Variants in EYA4 observed in about 807,000 individuals in gnomAD.
EYA4 encodes protein phosphatase EYA4.
Under a neutral mutation model 87.9 loss-of-function variants are expected in EYA4, and 31 were observed. The ratio of observed to expected loss-of-function variants is 0.35; its 90% CI spans 0.27 to 0.48. The LOEUF is 0.48. Among genes scored for constraint, EYA4 ranks in the 20% least tolerant of loss-of-function variants. The pLI is 0.99. For synonymous variants in EYA4, 263 were observed against 270.6 expected (o/e 0.97, Z 0.28); for missense variants, 678 against 761.4 (o/e 0.89, Z 1.29).
chr6:133,414,981 C>T (rs1932748), intron 3 of EYA4, among the ~76,000 whole-genome samples: 57,573 of 151,718 alleles, frequency 0.38, 11,142 homozygotes, highest in South Asian at 0.46. Context: ...TATTTTATGC[C>T]ATATTTTTTA....
chr6:133,331,893 T>C (rs938008661), intron 2 of EYA4, among the ~76,000 whole-genome samples: 2 of 152,212 alleles, frequency 1.3e-5, no homozygotes, highest in Non-Finnish European at 2.9e-5. Flanking sequence ...CAGTCACATT[T>C]TGGTATCAGC....
At position 133,415,475 on chromosome 6, in the gene EYA4, G is replaced by A. The variant is rs186090484; in HGVS notation, c.84-31155G>A. On this transcript the variant is annotated intron_variant, in intron 3 of 19. Transcript: ENST00000355286. ...TTTGCTCTGTCTGAGCCTGCCAGACGTGCCTCCTCTCACAGCCTTTACGCA... is the reference window on the plus strand; with the variant it reads ...TTTGCTCTGTCTGAGCCTGCCAGACATGCCTCCTCTCACAGCCTTTACGCA... Among the ~76,000 whole-genome samples, 11 of 152,230 alleles carry A rather than the reference G, an allele frequency of 7.2e-5. No homozygotes were observed. The East Asian group carries it at 1.2e-3, about 16-fold the overall frequency.
At chr6:133,407,405 C>T (rs1358339665) in intron 3 of EYA4, among the ~76,000 whole-genome samples, 4 of 152,046 alleles carry the variant, frequency 2.6e-5, no homozygotes, top group Non-Finnish European at 4.4e-5. Context: ...CCTACAGGTG[C>T]AAACTCTTTC....
intron 13 of EYA4, among the ~76,000 whole-genome samples, chr6:133,489,073 C>A (rs1647310613): frequency 2.6e-5 from 4 of 152,036 alleles, no homozygotes; most frequent in African/African-American, 9.7e-5. Flanking sequence ...AAGTAAAAAT[C>A]AAGCAGAAAT....
chr6:133,348,241 C>CCTCCTCA (rs1436777698), intron 2 of EYA4, among the ~76,000 whole-genome samples: 1 of 148,866 alleles, frequency 6.7e-6, no homozygotes, highest in Non-Finnish European at 1.5e-5. Context: ...TACAAATCTT[C>CCTCCTCA]CTCCTCATCT....
intron 13 of EYA4, among the ~76,000 whole-genome samples, chr6:133,501,517 G>T (rs17062637): frequency 0.018 from 2,780 of 152,128 alleles, 164 homozygotes; most frequent in East Asian, 0.13. Flanking sequence ...TATCACAATT[G>T]TAAAATTTCT....
chr6:133,486,170 A>T (rs2128718563), intron 13 of EYA4, among the ~76,000 whole-genome samples: 1 of 152,368 alleles, frequency 6.6e-6, no homozygotes, highest in South Asian at 2.1e-4. Context: ...TCCTTGTCGA[A>T]TTCCATGAAA....
chr6:133,473,663 A>G (rs1005111640), intron 11 of EYA4, among the ~76,000 whole-genome samples: 1 of 151,674 alleles, frequency 6.6e-6, no homozygotes, highest in Non-Finnish European at 1.5e-5. Flanking sequence ...TCTTCCTTTT[A>G]TATCCTCCTA....
At chr6:133,385,481 G>A (rs545108919) in intron 3 of EYA4, among the ~76,000 whole-genome samples, 373 of 150,572 alleles carry the variant, frequency 2.5e-3, no homozygotes, top group Non-Finnish European at 4.0e-3. Flanking sequence ...TTTAAAGCCC[G>A]GGGCTAGGTA....
At chr6:133,441,517 A>T (rs1054345863) in intron 3 of EYA4, among the ~76,000 whole-genome samples, 1 of 152,228 alleles carries the variant, frequency 6.6e-6, no homozygotes, top group Admixed American at 6.5e-5. Flanking sequence ...CACCTGGACA[A>T]CAGAGGGAAA....
At chr6:133,309,437 T>C (rs1175110003) in intron 2 of EYA4, among the ~76,000 whole-genome samples, 1 of 152,206 alleles carries the variant, frequency 6.6e-6, no homozygotes, top group Non-Finnish European at 1.5e-5. Context: ...TGGCTTCTTA[T>C]ATATGCTATA....
chr6:133,446,062 T>A (rs975920287), intron 3 of EYA4, among the ~76,000 whole-genome samples: 8 of 152,114 alleles, frequency 5.3e-5, no homozygotes, highest in Admixed American at 5.2e-4. Context: ...GTCAACAAGG[T>A]CAGCTGGAAG....
intron 2 of EYA4, among the ~76,000 whole-genome samples, chr6:133,322,862 A>G (rs1349974134): frequency 6.6e-6 from 1 of 152,172 alleles, no homozygotes; most frequent in Non-Finnish European, 1.5e-5. Context: ...ATGCAAACAC[A>G]TTTCAGACTT....
At chr6:133,510,374 T>C (rs1799041329) in intron 14 of EYA4, 1 of 236,550 alleles carries the variant, frequency 4.2e-6, no homozygotes, top group Non-Finnish European at 8.8e-6. Context: ...ACCATTTCAA[T>C]AGTGATTTAT....
In EYA4 at chr6:133,416,444, T is replaced by G. The variant is rs3777839; in HGVS notation, c.84-30186T>G. On this transcript the variant is annotated intron_variant, in intron 3 of 19. Transcript: ENST00000355286. ...GAAGTCAATTAATAACTGTCTATAT[T>G]GATCAAGTGTTTTGTTGATTTGTTT... Among the ~76,000 whole-genome samples the G allele has an allele frequency of 3.8e-3, 578 of 152,272 alleles. 3 individuals are homozygous for G. Among genetic ancestry groups the G allele is most frequent in the African/African-American group, 0.013 (533 of 41,532 alleles).
chr6:133,347,825 A>G (rs933414773), intron 2 of EYA4, among the ~76,000 whole-genome samples: 1 of 152,222 alleles, frequency 6.6e-6, no homozygotes, highest in Non-Finnish European at 1.5e-5. Context: ...TAGATACTGC[A>G]TGTTTCAAAC....
At chr6:133,425,653 G>A (rs1790605022) in intron 3 of EYA4, among the ~76,000 whole-genome samples, 1 of 150,582 alleles carries the variant, frequency 6.6e-6, no homozygotes, top group African/African-American at 2.5e-5. Context: ...TGGTTATTCT[G>A]CTTCCTAAAT....
intron 13 of EYA4, among the ~76,000 whole-genome samples, chr6:133,489,890 T>C (rs988808151): frequency 3.3e-5 from 5 of 152,188 alleles, no homozygotes; most frequent in African/African-American, 1.2e-4. Flanking sequence ...TTGTGGTATG[T>C]AAGCTACTCA....
At chr6:133,385,510 A>G (rs1686113772) in intron 3 of EYA4, among the ~76,000 whole-genome samples, 1 of 151,744 alleles carries the variant, frequency 6.6e-6, no homozygotes, top group African/African-American at 2.4e-5. Context: ...CTAAACAAAT[A>G]TCAAATAAAG....
Sources: gnomAD v4.1 joint callset for allele counts (sites outside exome capture counted in the v4.1 genomes callset) on GRCh38, gnomAD v4.1.1 for gene constraint, MANE v1.5 for transcripts, NCBI Gene and HGNC (gene_info 2026-07-23, HGNC 2026-07-21) for gene names.